The following KCNIP3 variants were observed in gnomAD, a reference collection of about 807,000 sequenced individuals.
KCNIP3 encodes the protein potassium voltage-gated channel interacting protein 3, also known as calsenilin.
In KCNIP3, 28 loss-of-function variants were observed where a neutral mutation model predicts 35.0. That is an observed-to-expected ratio of 0.80 (90% CI 0.59 to 1.10). The LOEUF (loss-of-function observed/expected upper bound fraction) is 1.10. KCNIP3 is among the 50% of genes least tolerant of loss of function. The probability of loss-of-function intolerance (pLI) is 0.00; values close to 1 mark genes in which losing one functional copy is unlikely to be tolerated. For missense variants in KCNIP3, 295 were observed against 338.4 expected (o/e 0.87, Z 1.01); for synonymous variants, 134 against 133.8 (o/e 1.00, Z -0.01).
chr2:95,349,365 T>C (rs1184487151), intron 2 of KCNIP3, among the ~76,000 whole-genome samples: 1 of 152,216 alleles, frequency 6.6e-6, no homozygotes, highest in Non-Finnish European at 1.5e-5. Flanking sequence ...TGAGCCTCCG[T>C]GGTTCTCATC....
intron 1 of KCNIP3, among the ~76,000 whole-genome samples, chr2:95,305,173 G>T (rs183355209): frequency 2.0e-5 from 3 of 152,320 alleles, no homozygotes; most frequent in African/African-American, 7.2e-5. Flanking sequence ...TTAAAATGAG[G>T]CCGGCATCGA....
chr2:95,346,999 C>T (rs1295896171), intron 2 of KCNIP3: 2 of 1,580,852 alleles, frequency 1.3e-6, no homozygotes, highest in South Asian at 1.1e-5. Flanking sequence ...GGCCCCAGGG[C>T]CCCAGGCAGC....
At chr2:95,374,468 A>G (rs762192835) in intron 3 of KCNIP3, 48 bp downstream of exon 3, 3 of 1,598,334 alleles carry the variant, frequency 1.9e-6, no homozygotes, top group East Asian at 4.5e-5. Flanking sequence ...ACCCTGGCTC[A>G]GGGAGACCTG....
intron 2 of KCNIP3, among the ~76,000 whole-genome samples, chr2:95,337,233 A>T (rs1331931869): frequency 5.9e-5 from 9 of 152,154 alleles, no homozygotes; most frequent in Admixed American, 5.9e-4. Context: ...TGCGGGGTCC[A>T]TTCAGTGCGA....
chr2:95,326,720 T>C (rs1355452676), intron 2 of KCNIP3, among the ~76,000 whole-genome samples: 1 of 152,216 alleles, frequency 6.6e-6, no homozygotes, highest in Admixed American at 6.5e-5. Flanking sequence ...AATTGGAGTC[T>C]GCCACTCTCC....
Position 95,374,387 on chromosome 2 carries a change from G to A in KCNIP3, c.273G>A (p.Lys91=), listed in dbSNP as rs755631336. 6.2e-7 allele frequency: 1 copy of A among 1,614,192 alleles called. No homozygotes were observed. The highest frequency in any genetic ancestry group is 1.1e-5 in the South Asian group (1 of 91,086). The change falls in exon 3 of 9, where the codon AAG becomes AAA. Residue 91 remains lysine (K), a synonymous_variant. Coordinates refer to ENST00000295225, the MANE Select transcript of KCNIP3 (RefSeq NM_013434.5). ...AGGCCCAGACCAAGTTCACCAAGAA[G>A]GAGCTGCAGTCTCTCTACAGGGGCT... ...QLQAQTKFTK[K]ELQSLYRGFK...
chr2:95,325,455 C>A (rs1024986813), intron 2 of KCNIP3, among the ~76,000 whole-genome samples: 1 of 152,134 alleles, frequency 6.6e-6, no homozygotes, highest in Non-Finnish European at 1.5e-5. Flanking sequence ...CTGGGTATCC[C>A]GTGAGGAGGG....
chr2:95,375,338 C>A, intron 5 of KCNIP3, 130 bp downstream of exon 5: 1 of 837,316 alleles, frequency 1.2e-6, no homozygotes, highest in Non-Finnish European at 1.9e-6. Flanking sequence ...GTGAGTCACC[C>A]TGGGAATGAG....
At chr2:95,334,802 T>C (rs951933585) in intron 2 of KCNIP3, among the ~76,000 whole-genome samples, 5 of 152,206 alleles carry the variant, frequency 3.3e-5, no homozygotes, top group African/African-American at 1.2e-4. Flanking sequence ...AACGTTCCCC[T>C]TCCATTGCCT....
intron 2 of KCNIP3, among the ~76,000 whole-genome samples, chr2:95,347,645 T>C (rs1171888356): frequency 6.6e-6 from 1 of 152,216 alleles, no homozygotes; most frequent in Non-Finnish European, 1.5e-5. Flanking sequence ...TCTGTCTCAA[T>C]AAAATATTAA....
intron 5 of KCNIP3, among the ~76,000 whole-genome samples, 173 bp downstream of exon 5, chr2:95,375,381 G>A (rs1196818671): frequency 2.0e-5 from 3 of 152,130 alleles, no homozygotes; most frequent in Admixed American, 6.5e-5. Flanking sequence ...AGTGAGCTCT[G>A]GGGTGTTTGA....
intron 2 of KCNIP3, among the ~76,000 whole-genome samples, chr2:95,349,555 C>A (rs902323490): frequency 6.6e-6 from 1 of 152,186 alleles, no homozygotes; most frequent in African/African-American, 2.4e-5. Context: ...GTCACTTTTC[C>A]TGAGCAGTAA....
At chr2:95,342,350 G>A (rs1379048821) in intron 2 of KCNIP3, among the ~76,000 whole-genome samples, 1 of 152,216 alleles carries the variant, frequency 6.6e-6, no homozygotes. Flanking sequence ...TCAGAACTGT[G>A]AGGAATGAAG....
intron 2 of KCNIP3, among the ~76,000 whole-genome samples, chr2:95,365,684 T>C (rs1432105606): frequency 3.3e-5 from 5 of 152,140 alleles, no homozygotes. Context: ...GTTTGGAGTT[T>C]CTGTCTTATT....
intron 2 of KCNIP3, among the ~76,000 whole-genome samples, chr2:95,345,719 G>A (rs959884627): frequency 2.0e-5 from 3 of 152,266 alleles, no homozygotes; most frequent in African/African-American, 7.2e-5. Context: ...GGGCAGCAGA[G>A]GGCCAGGCTC....
intron 2 of KCNIP3, among the ~76,000 whole-genome samples, chr2:95,322,368 A>T (rs1338811783): frequency 6.6e-6 from 1 of 152,124 alleles, no homozygotes; most frequent in African/African-American, 2.4e-5. Context: ...CCTCAAAGAA[A>T]AAAATAAAAA....
chr2:95,355,882 A>T (rs1679646285), intron 2 of KCNIP3, among the ~76,000 whole-genome samples: 1 of 152,176 alleles, frequency 6.6e-6, no homozygotes, highest in African/African-American at 2.4e-5. Flanking sequence ...TGCTGGGTCA[A>T]ATGGTAATTC....
chr2:95,367,300 A>T (rs187915799), intron 2 of KCNIP3, among the ~76,000 whole-genome samples: 121 of 152,176 alleles, frequency 8.0e-4, no homozygotes, highest in Non-Finnish European at 1.4e-3. Flanking sequence ...AAATAAAAAT[A>T]AAAAAACCAA....
Position 95,382,551 on chromosome 2 carries a change from C to T in KCNIP3, c.660+70C>T, listed in dbSNP as rs1277420457. 1 of 1,186,654 alleles carries T rather than the reference C, an allele frequency of 8.4e-7. No homozygotes were observed. Among genetic ancestry groups the T allele is most frequent in the African/African-American group, 1.5e-5 (1 of 65,668 alleles). The allele number at this position is 1,186,654 out of a possible 1,614,324, so 73.5% of individuals were successfully genotyped here. A position where few individuals can be genotyped will look rare whatever the true frequency, so the allele number is the denominator to read the frequency against. ...GAAGGGGCTCTCGCTTTTGGGGCCA[C>T]CCCGGGCAAGTGGCTTGCCCCTCTG... On this transcript the variant is annotated intron_variant, in intron 7 of 8. Transcript: ENST00000295225. This position sits in a 1 kb window ranked among gnomAD's most constrained non-coding sequence, Gnocchi z 4.5.
Sources: allele counts gnomAD v4.1 joint callset (sites outside exome capture counted in the v4.1 genomes callset), GRCh38; gene constraint gnomAD v4.1.1; non-coding constraint Gnocchi (gnomAD v3.1); transcripts MANE v1.5; gene names NCBI Gene and HGNC (gene_info 2026-07-23, HGNC 2026-07-21).